The following PKD2L1 variants were observed in gnomAD, a reference collection of about 807,000 sequenced individuals.
PKD2L1 encodes the protein polycystin-2-like protein 1.
PKD2L1 carries 77 observed loss-of-function variants against 93.0 expected under a neutral mutation model. The observed-to-expected ratio is 0.83, with a 90% CI of 0.69 to 1.00. PKD2L1 has a LOEUF of 1.00. PKD2L1 is among the 50% of genes least tolerant of loss of function. The pLI is 0.00. For synonymous variants in PKD2L1, 390 were observed against 388.0 expected (o/e 1.01, Z -0.06); for missense variants, 977 against 990.9 (o/e 0.99, Z 0.19).
intron 2 of PKD2L1, among the ~76,000 whole-genome samples, chr10:100,327,200 G>T (rs1442351981): frequency 1.3e-5 from 2 of 152,222 alleles, no homozygotes; most frequent in Non-Finnish European, 2.9e-5. Flanking sequence ...TCATGAAACA[G>T]TGACAGCCCC....
chr10:100,313,314 C>T (rs1359386336), intron 2 of PKD2L1, among the ~76,000 whole-genome samples: 1 of 152,104 alleles, frequency 6.6e-6, no homozygotes, highest in South Asian at 2.1e-4. Context: ...AAGAGTAGCC[C>T]TTGTTAAAAG....
rs1564894448 is a variant in PKD2L1 at position 100,321,735 on chromosome 10, GAAA to G, written c.349+7473_349+7475del. Among the ~76,000 whole-genome samples the G allele has an allele frequency of 2.2e-3, 21 of 9,374 alleles. 4 individuals are homozygous for G. The highest frequency in any genetic ancestry group is 2.5e-3 in the Non-Finnish European group (11 of 4,376). The allele number at this position is 9,374 out of a possible 152,430, so 6.1% of individuals were successfully genotyped here. A position where few individuals can be genotyped will look rare whatever the true frequency, so the allele number is the denominator to read the frequency against. On this transcript the variant is annotated intron_variant, in intron 2 of 15. Transcript: ENST00000318222. ...AGAAAGAAAGAAAGAAAGAAAGAAA[GAAA>G]GAAAGAAAGAAAGAAAGAAGGGAGG...
intron 2 of PKD2L1, among the ~76,000 whole-genome samples, chr10:100,326,316 T>A (rs978406201): frequency 6.6e-6 from 1 of 152,198 alleles, no homozygotes; most frequent in Non-Finnish European, 1.5e-5. Context: ...CTTTTACCAC[T>A]TTGCTTCTCA....
At chr10:100,324,799 A>G (rs1849340539) in intron 2 of PKD2L1, among the ~76,000 whole-genome samples, 2 of 152,192 alleles carry the variant, frequency 1.3e-5, no homozygotes, top group African/African-American at 4.8e-5. Flanking sequence ...TGTTTTCATC[A>G]TGCCACTGTG....
intron 14 of PKD2L1, among the ~76,000 whole-genome samples, chr10:100,289,494 G>A (rs1165391437): frequency 2.0e-5 from 3 of 152,110 alleles, no homozygotes; most frequent in African/African-American, 7.2e-5. Context: ...AGCCGAGATC[G>A]TGCCATTGCA....
chr10:100,288,331 G>T lies in PKD2L1; in HGVS notation c.*65C>A. ...AAAGCCCACTCAGTTTCCAGGTTCA[G>T]TGGACCAGGAGGCAGCCTCTTGCAG... is the stretch of plus-strand genomic sequence containing the variant. On this transcript the variant is annotated 3_prime_UTR_variant, in exon 16 of 16. Transcript: ENST00000318222. 1 of 1,022,012 alleles carries T rather than the reference G, an allele frequency of 9.8e-7. No homozygotes were observed. Among genetic ancestry groups the T allele is most frequent in the Non-Finnish European group, 1.6e-6 (1 of 643,048 alleles). The allele number at this position is 1,022,012 out of a possible 1,614,324, so 63.3% of individuals were successfully genotyped here.
intron 2 of PKD2L1, among the ~76,000 whole-genome samples, chr10:100,304,963 G>C (rs1221402979): frequency 6.6e-6 from 1 of 152,142 alleles, no homozygotes; most frequent in Non-Finnish European, 1.5e-5. Context: ...GTAAAACTGG[G>C]AATATAATAC....
intron 2 of PKD2L1, among the ~76,000 whole-genome samples, chr10:100,320,752 T>C (rs1322746650): frequency 6.6e-6 from 1 of 152,242 alleles, no homozygotes; most frequent in Non-Finnish European, 1.5e-5. Flanking sequence ...AAATTATGAA[T>C]GAGAACATCC....
At chr10:100,289,167 C>A in intron 14 of PKD2L1, 111 bp from the exon 15 acceptor site, 1 of 681,146 alleles carries the variant, frequency 1.5e-6, no homozygotes. Flanking sequence ...TGTTTGCGTC[C>A]CTCCCAAATT....
At chr10:100,294,679 A>G in intron 8 of PKD2L1, 24 bp from the exon 9 acceptor site, 1 of 1,613,772 alleles carries the variant, frequency 6.2e-7, no homozygotes, top group Non-Finnish European at 8.5e-7. Context: ...TCTGGGCTTT[A>G]CCCAGAGCCT....
chr10:100,314,110 A>C (rs1170495256), intron 2 of PKD2L1, among the ~76,000 whole-genome samples: 2 of 152,206 alleles, frequency 1.3e-5, no homozygotes, highest in African/African-American at 4.8e-5. Context: ...GGCGTGAACC[A>C]CCATGACTTG....
intron 2 of PKD2L1, among the ~76,000 whole-genome samples, chr10:100,300,558 T>C (rs1340823900): frequency 6.6e-6 from 1 of 152,216 alleles, no homozygotes; most frequent in Non-Finnish European, 1.5e-5. Flanking sequence ...AGATTGTCCT[T>C]CAATTTAAGT....
At chr10:100,299,900 AG>A (rs1848640181) in intron 2 of PKD2L1, among the ~76,000 whole-genome samples, 182 bp from the exon 3 acceptor site, 1 of 152,310 alleles carries the variant, frequency 6.6e-6, no homozygotes, top group East Asian at 1.9e-4. Context: ...GCATTAGGAA[AG>A]GGTTGTAGCT....
intron 14 of PKD2L1, 146 bp downstream of exon 14, chr10:100,289,869 C>A (rs1348735212): frequency 2.4e-5 from 23 of 977,260 alleles, no homozygotes; most frequent in Non-Finnish European, 3.6e-5. Context: ...CCCATCTCTG[C>A]TGATACACTA....
intron 3 of PKD2L1, 70 bp from the exon 4 acceptor site, chr10:100,298,885 C>T (rs1848614594): frequency 1.4e-6 from 2 of 1,463,766 alleles, no homozygotes; most frequent in South Asian, 1.4e-5. Context: ...TGACCTTTGC[C>T]CTCATCCTCT....
intron 2 of PKD2L1, among the ~76,000 whole-genome samples, chr10:100,312,210 T>C (rs902601811): frequency 1.3e-5 from 2 of 152,218 alleles, no homozygotes; most frequent in Non-Finnish European, 2.9e-5. Flanking sequence ...TCAGTGTGTC[T>C]ACAGAGACTA....
chr10:100,289,154 G>T, intron 14 of PKD2L1, 98 bp from the exon 15 acceptor site: 1 of 772,638 alleles, frequency 1.3e-6, no homozygotes, highest in Non-Finnish European at 2.1e-6. Flanking sequence ...GACTGCTATA[G>T]ACTGTTTGCG....
At chr10:100,303,873 T>C (rs1197494938) in intron 2 of PKD2L1, among the ~76,000 whole-genome samples, 4 of 152,218 alleles carry the variant, frequency 2.6e-5, no homozygotes. Context: ...ATGAAGCAGG[T>C]TGGCTAAATT....
At chr10:100,326,303 C>A (rs751943319) in intron 2 of PKD2L1, among the ~76,000 whole-genome samples, 1 of 152,144 alleles carries the variant, frequency 6.6e-6, no homozygotes, top group South Asian at 2.1e-4. Flanking sequence ...CCAGACTTGT[C>A]GTCTTTTACC....
Sources: gnomAD v4.1 joint callset for allele counts (sites outside exome capture counted in the v4.1 genomes callset) on GRCh38, gnomAD v4.1.1 for gene constraint, MANE v1.5 for transcripts, NCBI Gene and HGNC (gene_info 2026-07-23, HGNC 2026-07-21) for gene names.